RILP: variants seen among roughly 807,000 people sequenced by gnomAD.
The protein encoded by RILP is Rab interacting lysosomal protein, also known as rab-interacting lysosomal protein.
Under a neutral mutation model 40.0 loss-of-function variants are expected in RILP, and 53 were observed. The observed-to-expected ratio is 1.32, with a 90% CI of 1.06 to 1.66. The LOEUF is 1.66. Ranked by LOEUF, RILP falls within the 40% of genes most tolerant of loss-of-function variation. The pLI, the probability that RILP is intolerant of heterozygous loss-of-function variation, is 0.00. For synonymous variants in RILP, 272 were observed against 250.6 expected (o/e 1.09, Z -0.80); for missense variants, 626 against 551.7 (o/e 1.13, Z -1.35).
chr17:1,646,409 G>C lies in RILP; in HGVS notation c.*33C>G. ...AGGCGGGAGCCCTGTCCTCATTTGA[G>C]GCCACACATCCTTCCACAGCCAGAC... On this transcript the variant is annotated 3_prime_UTR_variant, in exon 8 of 8. Transcript: ENST00000301336. This position sits in a 1 kb window ranked among gnomAD's most constrained non-coding sequence, Gnocchi z 4.3. 3.3e-6 allele frequency: 5 copies of C among 1,525,062 alleles called. No homozygotes were observed. The highest frequency in any genetic ancestry group is 4.4e-6 in the Non-Finnish European group (5 of 1,136,892). The allele number at this position is 1,525,062 out of a possible 1,614,324, so 94.5% of individuals were successfully genotyped here. A position where few individuals can be genotyped will look rare whatever the true frequency, so the allele number is the denominator to read the frequency against.
In RILP at chr17:1,648,746, G is replaced by A; in HGVS notation, c.675+53C>T. 6.9e-7 allele frequency: 1 copy of A among 1,449,690 alleles called. No individual in the cohort carries two copies. The highest frequency in any genetic ancestry group is 9.0e-7 in the Non-Finnish European group (1 of 1,106,950). 89.8% of individuals were successfully genotyped at this position (1,449,690 alleles called of 1,614,324 possible). A position where few individuals can be genotyped will look rare whatever the true frequency, so the allele number is the denominator to read the frequency against. ...TGCAAACCTTGCTTGAGTGCCCACC[G>A]AGGGCTGGACGCTGCGTCCTGGGCT... On this transcript the variant is annotated intron_variant, in intron 4 of 7. Coordinates refer to ENST00000301336, the MANE Select transcript of RILP (RefSeq NM_031430.3). This position sits in a 1 kb window ranked among gnomAD's most constrained non-coding sequence, Gnocchi z 4.9.
chr17:1,646,426 CA>C lies in RILP; in HGVS notation c.*15del, dbSNP rs773856008. 8 of 1,543,776 alleles carry C rather than the reference CA, an allele frequency of 5.2e-6. No individual in the cohort carries two copies. In the Admixed American group the frequency reaches 8.3e-5, roughly 16 times the overall value. On this transcript the variant is annotated 3_prime_UTR_variant, in exon 8 of 8. Coordinates refer to ENST00000301336, the MANE Select transcript of RILP (RefSeq NM_031430.3). The surrounding 1 kb of genome is among the most constrained non-coding windows in gnomAD (Gnocchi z 4.3). ...TCATTTGAGGCCACACATCCTTCCA[CA>C]GCCAGACCCCTAAGTCAGGCCTCTG...
rs745585158 is a variant in RILP at position 1,646,528 on chromosome 17, G to A, written c.1120C>T (p.Gln374Ter). The A allele has an allele frequency of 1.4e-5, 23 of 1,613,582 alleles. No homozygotes were observed. The South Asian group carries it at 2.5e-4, about 18-fold the overall frequency. ...GGATCAGGAGCTGGAGACTGTGGTTGGGCCTCCTCTTCTCCCCCTAGCTTG... is the reference window on the plus strand; with the variant it reads ...GGATCAGGAGCTGGAGACTGTGGTTAGGCCTCCTCTTCTCCCCCTAGCTTG... ...PSKLGGEEEA[Q>*]PQSPAPDPPC... The change falls in exon 8 of 8, where the codon CAA (glutamine) becomes TAA (stop). Residue 374 changes from glutamine (Q) to a stop codon, truncating the protein, a stop_gained. Transcript: ENST00000301336. LOFTEE classifies it low-confidence loss of function (END_TRUNC). This position sits in a 1 kb window ranked among gnomAD's most constrained non-coding sequence, Gnocchi z 4.3.
Position 1,649,254 on chromosome 17 carries a change from G to C in RILP, c.375C>G (p.Asp125Glu). The C allele has an allele frequency of 1.3e-6, 2 of 1,505,696 alleles. No homozygotes were observed. Among genetic ancestry groups the C allele is most frequent in the Non-Finnish European group, 1.8e-6 (2 of 1,135,212 alleles). The allele number at this position is 1,505,696 out of a possible 1,614,324, so 93.3% of individuals were successfully genotyped here. A position where few individuals can be genotyped will look rare whatever the true frequency, so the allele number is the denominator to read the frequency against. The change falls in exon 3 of 8, where the codon GAC becomes GAG. Residue 125 changes from aspartate (D) to glutamate (E), a missense_variant. Asp to Glu is a conservative substitution (Grantham distance 45). Coordinates refer to ENST00000301336, the MANE Select transcript of RILP (RefSeq NM_031430.3). This position sits in a 1 kb window ranked among gnomAD's most constrained non-coding sequence, Gnocchi z 4.3. ...GGTCGCGGTTGTGCGCCCGGAGTTC[G>C]TCCCGCTGTCGGTCCGTGACCTCCT... ...QLKEVTDRQR[D>E]ELRAHNRDLR...
chr17:1,646,373 G>T lies in RILP; in HGVS notation c.*69C>A. 6.9e-7 allele frequency: 1 copy of T among 1,443,902 alleles called. No individual in the cohort carries two copies. 89.4% of individuals were successfully genotyped at this position (1,443,902 alleles called of 1,614,324 possible). Reference sequence around the variant, plus strand: ...GCCAGGATTGGGGCAGACCCCTGGCGAGGGCTGTGAAGGCGGGAGCCCTGT... The same window carrying T: ...GCCAGGATTGGGGCAGACCCCTGGCTAGGGCTGTGAAGGCGGGAGCCCTGT... On this transcript the variant is annotated 3_prime_UTR_variant, in exon 8 of 8. Coordinates refer to ENST00000301336, the MANE Select transcript of RILP (RefSeq NM_031430.3). The surrounding 1 kb of genome is among the most constrained non-coding windows in gnomAD (Gnocchi z 4.3).
Position 1,646,704 on chromosome 17 carries a change from G to A in RILP, c.1029-85C>T. The A allele has an allele frequency of 7.2e-7, 1 of 1,387,128 alleles. No homozygotes were observed. The highest frequency in any genetic ancestry group is 9.8e-7 in the Non-Finnish European group (1 of 1,018,910). 85.9% of individuals were successfully genotyped at this position (1,387,128 alleles called of 1,614,324 possible). ...GTGAGGGCAGGGGATGGTGAGAAAA[G>A]GGGAGAGGGGGAAGAAAGGGCAGCC... is the stretch of plus-strand genomic sequence containing the variant. On this transcript the variant is annotated intron_variant, in intron 7 of 7. Coordinates refer to ENST00000301336, the MANE Select transcript of RILP (RefSeq NM_031430.3). This position sits in a 1 kb window ranked among gnomAD's most constrained non-coding sequence, Gnocchi z 4.3.
chr17:1,649,411 C>G lies in RILP; in HGVS notation c.322+1G>C. On this transcript the variant is annotated splice_donor_variant, in intron 2 of 7. Coordinates refer to ENST00000301336, the MANE Select transcript of RILP (RefSeq NM_031430.3). LOFTEE classifies it high-confidence loss of function. The surrounding 1 kb of genome is among the most constrained non-coding windows in gnomAD (Gnocchi z 4.3). ...CCTGCCCTGGCCGGGGCTGCGCTTA[C>G]CCTGTGGCCCCGCGCGCAGCTCCCT... 6.6e-7 allele frequency: 1 copy of G among 1,506,350 alleles called. No homozygotes were observed. The highest frequency in any genetic ancestry group is 1.2e-5 in the South Asian group (1 of 81,420). The allele number at this position is 1,506,350 out of a possible 1,614,324, so 93.3% of individuals were successfully genotyped here.
At position 1,648,011 on chromosome 17, in the gene RILP, T is replaced by G. The variant is rs1000648800; in HGVS notation, c.822-54A>C. On this transcript the variant is annotated intron_variant, in intron 5 of 7. Transcript: ENST00000301336. The surrounding 1 kb of genome is among the most constrained non-coding windows in gnomAD (Gnocchi z 4.9). ...GCCCTGGTGATGCCAGCCATGGGGA[T>G]GCCAGCAGTGGAGATGCCAGCCGCA... The G allele has an allele frequency of 1.0e-5, 16 of 1,605,926 alleles. No homozygotes were observed. In the African/African-American group the frequency reaches 1.9e-4, roughly 19 times the overall value.
At position 1,648,848 on chromosome 17, in the gene RILP, G is replaced by T; in HGVS notation, c.626C>A (p.Pro209His). The T allele has an allele frequency of 6.5e-7, 1 of 1,545,588 alleles. No individual in the cohort carries two copies. The highest frequency in any genetic ancestry group is 1.2e-5 in the South Asian group (1 of 84,636). Residue 209 changes from proline (P) to histidine (H), a missense_variant, in exon 4 of 8, where the codon CCC becomes CAC. Coordinates refer to ENST00000301336, the MANE Select transcript of RILP (RefSeq NM_031430.3). The surrounding 1 kb of genome is among the most constrained non-coding windows in gnomAD (Gnocchi z 4.9). The part of the protein sequence containing the change: ...GRPGHQHGQE[P>H]EWATAGAGAP... ...GCCTGCGCCGGCGGTCGCCCATTCG[G>T]GCTCCTGTCCGTGCTGGTGCCCGGG... is the stretch of plus-strand genomic sequence containing the variant.
rs753551096 is a variant in RILP at position 1,648,336 on chromosome 17, C to T, written c.821+14G>A. On this transcript the variant is annotated intron_variant, in intron 5 of 7. Coordinates refer to ENST00000301336, the MANE Select transcript of RILP (RefSeq NM_031430.3). This position sits in a 1 kb window ranked among gnomAD's most constrained non-coding sequence, Gnocchi z 4.9. ...GGGGTGATCGGAGGCCCCCCGGCTT[C>T]CCAGCGTCCTCACCGCTGGAAGTAG... The T allele has an allele frequency of 5.6e-6, 9 of 1,611,022 alleles. No individual in the cohort carries two copies. Among genetic ancestry groups the T allele is most frequent in the Non-Finnish European group, 6.8e-6 (8 of 1,178,870 alleles).
chr17:1,649,399 G>A lies in RILP; in HGVS notation c.322+13C>T. On this transcript the variant is annotated intron_variant, in intron 2 of 7. Coordinates refer to ENST00000301336, the MANE Select transcript of RILP (RefSeq NM_031430.3). The surrounding 1 kb of genome is among the most constrained non-coding windows in gnomAD (Gnocchi z 4.3). ...GTCGTCACCCGCCCTGCCCTGGCCG[G>A]GGCTGCGCTTACCCTGTGGCCCCGC... 6.6e-7 allele frequency: 1 copy of A among 1,503,846 alleles called. No homozygotes were observed. The highest frequency in any genetic ancestry group is 1.2e-5 in the South Asian group (1 of 81,084). 93.2% of individuals were successfully genotyped at this position (1,503,846 alleles called of 1,614,324 possible).
Position 1,646,376 on chromosome 17 carries a change from G to A in RILP, c.*66C>T. On this transcript the variant is annotated 3_prime_UTR_variant, in exon 8 of 8. Transcript: ENST00000301336. The surrounding 1 kb of genome is among the most constrained non-coding windows in gnomAD (Gnocchi z 4.3). ...AGGATTGGGGCAGACCCCTGGCGAGGGCTGTGAAGGCGGGAGCCCTGTCCT... is the reference window on the plus strand; with the variant it reads ...AGGATTGGGGCAGACCCCTGGCGAGAGCTGTGAAGGCGGGAGCCCTGTCCT... 1 of 1,456,930 alleles carries A rather than the reference G, an allele frequency of 6.9e-7. No individual in the cohort carries two copies. The highest frequency in any genetic ancestry group is 9.2e-7 in the Non-Finnish European group (1 of 1,085,168). 90.3% of individuals were successfully genotyped at this position (1,456,930 alleles called of 1,614,324 possible). A position where few individuals can be genotyped will look rare whatever the true frequency, so the allele number is the denominator to read the frequency against.
chr17:1,649,187 G>T lies in RILP; in HGVS notation c.429+13C>A. On this transcript the variant is annotated intron_variant, in intron 3 of 7. Transcript: ENST00000301336. The surrounding 1 kb of genome is among the most constrained non-coding windows in gnomAD (Gnocchi z 4.3). ...CGCCCCCGCCCCGCCCCAGAGCCCC[G>T]CCCCGCCCTCACCGCCTCGGTCTCC... 3 of 393,880 alleles carry T rather than the reference G, an allele frequency of 7.6e-6. No individual in the cohort carries two copies. Among genetic ancestry groups the T allele is most frequent in the Non-Finnish European group, 8.4e-6 (2 of 238,024 alleles). The allele number at this position is 393,880 out of a possible 1,614,324, so 24.4% of individuals were successfully genotyped here.
Position 1,649,574 on chromosome 17 carries a change from C to T in RILP, c.228+3G>A. Reference sequence around the variant, plus strand: ...GGGTGGCGAAGGGAGGGCCATGACTCACCGAGTCCGGGGCGGGCCCCACGG... The same window carrying T: ...GGGTGGCGAAGGGAGGGCCATGACTTACCGAGTCCGGGGCGGGCCCCACGG... On this transcript the variant is annotated splice_donor_region_variant and intron_variant, in intron 1 of 7. Coordinates refer to ENST00000301336, the MANE Select transcript of RILP (RefSeq NM_031430.3). The surrounding 1 kb of genome is among the most constrained non-coding windows in gnomAD (Gnocchi z 4.3). The T allele has an allele frequency of 6.4e-7, 1 of 1,553,904 alleles. No individual in the cohort carries two copies. Among genetic ancestry groups the T allele is most frequent in the Non-Finnish European group, 8.6e-7 (1 of 1,158,314 alleles).
chr17:1,647,297 G>T (rs1363336375), intron 6 of RILP, among the ~76,000 whole-genome samples: 4 of 152,040 alleles, frequency 2.6e-5, no homozygotes, highest in Non-Finnish European at 5.9e-5. Flanking sequence ...ATGCCACCAT[G>T]CCCGGCTAAT....
In RILP at chr17:1,649,848, C is replaced by CGAG; in HGVS notation, c.-45_-44insCTC. ...GCTGCGACCCCCCCACCCCACCCTC[C>CGAG]ACTGGGACGGGGAAAAGCGAAACAG... On this transcript the variant is annotated 5_prime_UTR_variant, in exon 1 of 8. Transcript: ENST00000301336. The surrounding 1 kb of genome is among the most constrained non-coding windows in gnomAD (Gnocchi z 4.3). 2 of 1,437,332 alleles carry CGAG rather than the reference C, an allele frequency of 1.4e-6. No homozygotes were observed. The highest frequency in any genetic ancestry group is 1.9e-6 in the Non-Finnish European group (2 of 1,075,822). The allele number at this position is 1,437,332 out of a possible 1,614,324, so 89.0% of individuals were successfully genotyped here.
chr17:1,646,307 G>A lies in RILP; in HGVS notation c.*135C>T. The stretch of plus-strand genomic sequence containing the variant: ...CCCAGAGGCTCGGTACAGAGACGTA[G>A]AGAGGGAGGCGGGCTGAGACCCCGT... On this transcript the variant is annotated 3_prime_UTR_variant, in exon 8 of 8. Transcript: ENST00000301336. This position sits in a 1 kb window ranked among gnomAD's most constrained non-coding sequence, Gnocchi z 4.3. 1.3e-6 allele frequency: 1 copy of A among 775,472 alleles called. No homozygotes were observed. The highest frequency in any genetic ancestry group is 2.0e-6 in the Non-Finnish European group (1 of 500,626). 48.0% of individuals were successfully genotyped at this position (775,472 alleles called of 1,614,324 possible).
rs1431354919 is a variant in RILP, at chr17:1,648,486, C to A, written c.685G>T (p.Ala229Ser). Reference protein sequence around the residue: ...PGNPEDPAEAAQQLGRPSEAG... With the variant: ...PGNPEDPAEASQQLGRPSEAG... Reference sequence around the variant, plus strand: ...TCCGAGGGGCGCCCGAGCTGCTGCGCGGCCTCCGCCTTTGGAAGGACAGGC... The same window carrying A: ...TCCGAGGGGCGCCCGAGCTGCTGCGAGGCCTCCGCCTTTGGAAGGACAGGC... Residue 229 changes from alanine to serine, a missense_variant, in exon 5 of 8, where the codon GCG (alanine) becomes TCG (serine). Ala to Ser is a moderately conservative substitution (Grantham distance 99). Coordinates refer to ENST00000301336, the MANE Select transcript of RILP (RefSeq NM_031430.3). This position sits in a 1 kb window ranked among gnomAD's most constrained non-coding sequence, Gnocchi z 4.9. 1.9e-6 allele frequency: 3 copies of A among 1,613,194 alleles called. No homozygotes were observed. Among genetic ancestry groups the A allele is most frequent in the South Asian group, 2.2e-5 (2 of 91,026 alleles).
chr17:1,647,994 G>A, intron 5 of RILP, 37 bp from the exon 6 acceptor site: 1 of 1,611,064 alleles, frequency 6.2e-7, no homozygotes. Context: ...AAGCCCTGGT[G>A]ATGCCAGCCA....
Sources: allele counts gnomAD v4.1 joint callset (sites outside exome capture counted in the v4.1 genomes callset), GRCh38; gene constraint gnomAD v4.1.1; non-coding constraint Gnocchi (gnomAD v3.1); transcripts MANE v1.5; gene names NCBI Gene and HGNC (gene_info 2026-07-23, HGNC 2026-07-21).